The following NSF variants were observed in gnomAD, a reference collection of about 807,000 sequenced individuals.
NSF encodes N-ethylmaleimide sensitive factor, vesicle fusing ATPase.
A neutral mutation model predicts 50.3 loss-of-function variants in NSF; 14 were observed. The observed-to-expected ratio is 0.28, with a 90% CI of 0.18 to 0.44. The LOEUF (loss-of-function observed/expected upper bound fraction) is 0.44. NSF is among the 20% of genes least tolerant of loss of function. The probability of loss-of-function intolerance (pLI) is 1.00; values close to 1 mark genes in which losing one functional copy is unlikely to be tolerated. For missense variants in NSF, 218 were observed against 504.3 expected (o/e 0.43, Z 5.44); for synonymous variants, 109 against 175.7 (o/e 0.62, Z 3.00).
At chr17:46,725,710 A>T (rs1317737340) in intron 15 of NSF, among the ~76,000 whole-genome samples, 2 of 152,090 alleles carry the variant, frequency 1.3e-5, no homozygotes, top group Admixed American at 6.5e-5. Flanking sequence ...GCGGGTGGGG[A>T]TCGGGTTTAC....
intron 15 of NSF, among the ~76,000 whole-genome samples, chr17:46,717,194 A>T (rs2058781219): frequency 6.6e-6 from 1 of 152,190 alleles, no homozygotes; most frequent in Admixed American, 6.5e-5. Context: ...ATTTGCAACA[A>T]CATGGATGAA....
Position 46,728,913 on chromosome 17 carries a change from A to G in NSF, c.1887A>G (p.Leu629=), listed in dbSNP as rs2058920399. ...SNLVLQALLV[L]LKKAPPQGRK... ...TTGTATTACAGGCTCTTCTCGTTTT[A>G]CTGAAAAAGGCACCTCCTCAGGTAA... Residue 629 remains leucine, a synonymous_variant, in exon 17 of 21, where the codon TTA becomes TTG. Transcript: ENST00000398238. 2 of 1,606,690 alleles carry G rather than the reference A, an allele frequency of 1.2e-6. No homozygotes were observed. Among genetic ancestry groups the G allele is most frequent in the East Asian group, 2.2e-5 (1 of 44,628 alleles).
intron 17 of NSF, among the ~76,000 whole-genome samples, chr17:46,743,271 C>G (rs181125360): frequency 2.6e-5 from 4 of 152,206 alleles, no homozygotes; most frequent in Admixed American, 1.3e-4. Flanking sequence ...GCATCCCGTC[C>G]CTCACCCACC....
chr17:46,667,400 A>G (rs1459432545), intron 8 of NSF, among the ~76,000 whole-genome samples: 3 of 148,546 alleles, frequency 2.0e-5, no homozygotes, highest in African/African-American at 5.0e-5. Flanking sequence ...TCTACCTTTC[A>G]ATACTAAAAT....
At chr17:46,625,880 A>T (rs1262641542) in intron 2 of NSF, among the ~76,000 whole-genome samples, 2 of 60,632 alleles carry the variant, frequency 3.3e-5, no homozygotes, top group Admixed American at 2.0e-4. Flanking sequence ...CACATGTATT[A>T]AAAAAAAAAA....
chr17:46,717,530 G>A (rs745793604), intron 15 of NSF, among the ~76,000 whole-genome samples: 3 of 152,096 alleles, frequency 2.0e-5, no homozygotes, highest in Non-Finnish European at 4.4e-5. Context: ...GACTAACATG[G>A]TGAAACCCCG....
At chr17:46,707,783 G>A (rs1272011105) in intron 13 of NSF, among the ~76,000 whole-genome samples, 1 of 152,096 alleles carries the variant, frequency 6.6e-6, no homozygotes, top group East Asian at 1.9e-4. Context: ...TGTAATCCCA[G>A]CACTTTTGGA....
rs2058577739 is a variant in NSF at position 46,694,730 on chromosome 17, A to G, written c.1374+68A>G. The G allele has an allele frequency of 2.1e-6, 3 of 1,428,146 alleles. No homozygotes were observed. The South Asian group carries it at 4.2e-5, about 20-fold the overall frequency. 88.5% of individuals were successfully genotyped at this position (1,428,146 alleles called of 1,614,324 possible). ...ATTCTTTCTCTTTCCTTTCAAGCAT[A>G]TCAAGGGGTAGGGAAATGCTGACTT... On this transcript the variant is annotated intron_variant, in intron 12 of 20. Transcript: ENST00000398238.
At position 46,726,464 on chromosome 17, in the gene NSF, A is replaced by G. The variant is rs950161116; in HGVS notation, c.1762-85A>G. The G allele has an allele frequency of 5.8e-6, 7 of 1,200,908 alleles. No individual in the cohort carries two copies. The South Asian group carries it at 8.5e-5, about 15-fold the overall frequency. 74.4% of individuals were successfully genotyped at this position (1,200,908 alleles called of 1,614,324 possible). A position where few individuals can be genotyped will look rare whatever the true frequency, so the allele number is the denominator to read the frequency against. ...GGTGTTTTCCTGTGCTTTGTTTAGTATTGCTCAAGAAGTAACTAAACTTCT... is the reference window on the plus strand; with the variant it reads ...GGTGTTTTCCTGTGCTTTGTTTAGTGTTGCTCAAGAAGTAACTAAACTTCT... On this transcript the variant is annotated intron_variant, in intron 15 of 20. Transcript: ENST00000398238.
intron 1 of NSF, among the ~76,000 whole-genome samples, chr17:46,610,202 A>G (rs1470902635): frequency 2.1e-5 from 2 of 95,506 alleles, no homozygotes; most frequent in African/African-American, 4.1e-5. Context: ...CTGGCCTCAA[A>G]TGATTCTCCC....
At chr17:46,737,572 CGTGTGTGTGTGTGTGT>C (rs10564190) in intron 17 of NSF, among the ~76,000 whole-genome samples, 3 of 147,172 alleles carry the variant, frequency 2.0e-5, no homozygotes, top group African/African-American at 5.1e-5. Context: ...GGTGTGTGTG[CGTGTGTGTGTGTGTGT>C]GTGTGTGTGT....
At chr17:46,732,875 C>A (rs1422636522) in intron 17 of NSF, among the ~76,000 whole-genome samples, 1 of 152,330 alleles carries the variant, frequency 6.6e-6, no homozygotes, top group East Asian at 1.9e-4. Flanking sequence ...GAGAACTCAG[C>A]AGCAGCAGCT....
At chr17:46,751,418 C>T in intron 18 of NSF, 85 bp from the exon 19 acceptor site, 1 of 967,512 alleles carries the variant, frequency 1.0e-6, no homozygotes, top group East Asian at 2.5e-5. Context: ...GTTCTTATCA[C>T]TCTTCTTTTA....
At chr17:46,717,753 G>GGTGGCA (rs2058787451) in intron 15 of NSF, among the ~76,000 whole-genome samples, 1 of 152,162 alleles carries the variant, frequency 6.6e-6, no homozygotes, top group South Asian at 2.1e-4. Context: ...GAGTGGGCCT[G>GGTGGCA]GTGGCAGTGG....
chr17:46,723,189 G>A (rs1262952485), intron 15 of NSF, among the ~76,000 whole-genome samples: 1 of 152,146 alleles, frequency 6.6e-6, no homozygotes, highest in Non-Finnish European at 1.5e-5. Context: ...TTTTGAGAAG[G>A]AAAAACATAG....
intron 13 of NSF, among the ~76,000 whole-genome samples, chr17:46,709,199 CTT>C (rs2058692907): frequency 1.3e-5 from 2 of 152,160 alleles, no homozygotes; most frequent in Admixed American, 1.3e-4. Context: ...TTAGCCCTGT[CTT>C]TTTATTACTA....
rs771047574 is a variant in NSF, at chr17:46,690,611, C to CAAAAA, written c.946-2282_946-2278dup. On this transcript the variant is annotated intron_variant, in intron 9 of 20. Transcript: ENST00000398238. ...TGGGCAACAGAGTGAGACTCCGTCT[C>CAAAAA]AAAAAAAAAAAAAATATATATATAT... 7.7e-4 allele frequency among the ~76,000 whole-genome samples: 71 copies of CAAAAA among 91,776 alleles called. 3 individuals carry two copies. Among genetic ancestry groups the CAAAAA allele is most frequent in the Middle Eastern group, 5.2e-3 (1 of 194 alleles). 60.2% of individuals were successfully genotyped at this position (91,776 alleles called of 152,430 possible).
intron 15 of NSF, chr17:46,722,189 G>T: frequency 1.9e-6 from 3 of 1,601,214 alleles, no homozygotes; most frequent in South Asian, 2.2e-5. Flanking sequence ...GGGAGAACTT[G>T]CAGCGCCTGC....
intron 9 of NSF, among the ~76,000 whole-genome samples, chr17:46,686,070 GA>G (rs144648908): frequency 7.8e-4 from 48 of 61,410 alleles, no homozygotes; most frequent in African/African-American, 2.8e-3. Context: ...CAACCTTGAA[GA>G]AAAAAAAAAC....
Sources: gnomAD v4.1 joint callset for allele counts (sites outside exome capture counted in the v4.1 genomes callset) on GRCh38, gnomAD v4.1.1 for gene constraint, MANE v1.5 for transcripts, NCBI Gene and HGNC (gene_info 2026-07-23, HGNC 2026-07-21) for gene names.